CDH4: variants seen among roughly 807,000 people sequenced by gnomAD.
CDH4 encodes cadherin 4, also known as cadherin-4.
In CDH4, 33 loss-of-function variants were observed where a neutral mutation model predicts 86.0. The ratio of observed to expected loss-of-function variants is 0.38; its 90% CI spans 0.29 to 0.51. The LOEUF (loss-of-function observed/expected upper bound fraction) is 0.51. Ranked by LOEUF, CDH4 falls within the 20% of genes least tolerant of loss-of-function variation. CDH4 has a pLI of 0.86. For missense variants in CDH4, 1,114 were observed against 1,307.4 expected, an observed-to-expected ratio of 0.85 and a Z score of 2.28; for synonymous variants, 555 against 549.4, an observed-to-expected ratio of 1.01 and a Z score of -0.14.
chr20:61,413,119 G>A (rs905407445), intron 2 of CDH4, among the ~76,000 whole-genome samples: 23 of 152,014 alleles, frequency 1.5e-4, no homozygotes, highest in African/African-American at 5.6e-4. Context: ...ATCCTTCATG[G>A]CACCCAAGGC....
chr20:61,425,069 G>A (rs925843694), intron 2 of CDH4, among the ~76,000 whole-genome samples: 1 of 152,226 alleles, frequency 6.6e-6, no homozygotes, highest in Admixed American at 6.5e-5. Flanking sequence ...AGGCATAGGT[G>A]GACCAGGAGC....
intron 4 of CDH4, among the ~76,000 whole-genome samples, chr20:61,803,281 T>TA (rs995886374): frequency 6.6e-6 from 1 of 152,124 alleles, no homozygotes; most frequent in African/African-American, 2.4e-5. Flanking sequence ...GGCTGGCAGT[T>TA]AGAGAAGCCA....
intron 2 of CDH4, among the ~76,000 whole-genome samples, chr20:61,539,284 GT>G (rs1568883822): frequency 6.6e-6 from 1 of 152,198 alleles, no homozygotes; most frequent in Non-Finnish European, 1.5e-5. Context: ...TGTCCACAGT[GT>G]AGGTGTATTA....
chr20:61,666,609 C>A (rs934085151), intron 2 of CDH4, among the ~76,000 whole-genome samples: 7 of 152,238 alleles, frequency 4.6e-5, no homozygotes, highest in Non-Finnish European at 1.0e-4. Flanking sequence ...GAGGCCACAT[C>A]CGCAGAACTG....
chr20:61,718,766 C>A (rs780850189), intron 2 of CDH4: 5 of 470,524 alleles, frequency 1.1e-5, no homozygotes, highest in Non-Finnish European at 1.8e-5. Context: ...CCACCCTACA[C>A]CCCTGCACAC....
chr20:61,358,903 G>T (rs1035944688), intron 2 of CDH4, among the ~76,000 whole-genome samples: 2 of 151,926 alleles, frequency 1.3e-5, no homozygotes, highest in African/African-American at 4.8e-5. Context: ...CCAGGGTGAC[G>T]GGGGGGTTTA....
At chr20:61,486,105 G>A (rs994552924) in intron 2 of CDH4, among the ~76,000 whole-genome samples, 6 of 152,186 alleles carry the variant, frequency 3.9e-5, no homozygotes, top group African/African-American at 1.2e-4. Flanking sequence ...AGGATATCAC[G>A]AGCCCAAAAA....
chr20:61,481,724 T>G (rs1200237350), intron 2 of CDH4, among the ~76,000 whole-genome samples: 1 of 152,100 alleles, frequency 6.6e-6, no homozygotes, highest in Non-Finnish European at 1.5e-5. Flanking sequence ...CAAATGGGGG[T>G]TAAAAATGCA....
chr20:61,842,413 C>A (rs73143138), intron 4 of CDH4, among the ~76,000 whole-genome samples: 1 of 152,138 alleles, frequency 6.6e-6, no homozygotes, highest in East Asian at 1.9e-4. Context: ...TTTTCTGTCT[C>A]GTTCTTTGCT....
intron 4 of CDH4, among the ~76,000 whole-genome samples, chr20:61,835,365 G>C (rs1348359488): frequency 6.6e-6 from 1 of 152,180 alleles, no homozygotes; most frequent in African/African-American, 2.4e-5. Context: ...GTGCTGGCCA[G>C]TGTTCTTAAT....
intron 2 of CDH4, among the ~76,000 whole-genome samples, chr20:61,654,208 C>T (rs963005356): frequency 3.3e-5 from 5 of 152,172 alleles, no homozygotes; most frequent in Admixed American, 6.5e-5. Context: ...AGATCACTCG[C>T]GGTTAGGAGC....
intron 8 of CDH4, among the ~76,000 whole-genome samples, chr20:61,903,353 C>T (rs1288971377): frequency 6.6e-6 from 1 of 152,044 alleles, no homozygotes; most frequent in East Asian, 1.9e-4. Flanking sequence ...CAAGATCAGC[C>T]TGGCCAACAT....
At chr20:61,931,385 G>A (rs1193144619) in intron 13 of CDH4, among the ~76,000 whole-genome samples, 1 of 152,326 alleles carries the variant, frequency 6.6e-6, no homozygotes, top group East Asian at 1.9e-4. Context: ...CAGGCAGGGC[G>A]ATGCCGCCAA....
chr20:61,934,097 G>A lies in CDH4; in HGVS notation c.2421G>A (p.Gly807=), dbSNP rs2055148496. ...LSQLQQPEAM[G]HVPSKAPGVR... ...AGCTGCAGCAGCCGGAAGCCATGGGGCACGTGCCAAGCAAAGCCCCTGGCG... is the reference window on the plus strand; with the variant it reads ...AGCTGCAGCAGCCGGAAGCCATGGGACACGTGCCAAGCAAAGCCCCTGGCG... Residue 807 remains glycine (G), a synonymous_variant, in exon 15 of 16, where the codon GGG becomes GGA. Coordinates refer to ENST00000614565, the MANE Select transcript of CDH4 (RefSeq NM_001794.5). 1 of 1,611,274 alleles carries A rather than the reference G, an allele frequency of 6.2e-7. No individual in the cohort carries two copies. Among genetic ancestry groups the A allele is most frequent in the Non-Finnish European group, 8.5e-7 (1 of 1,179,854 alleles).
At chr20:61,443,159 C>T (rs187063879) in intron 2 of CDH4, among the ~76,000 whole-genome samples, 1 of 152,204 alleles carries the variant, frequency 6.6e-6, no homozygotes, top group Non-Finnish European at 1.5e-5. Flanking sequence ...GTGTGAAGCA[C>T]CTCGCTTTAC....
intron 2 of CDH4, among the ~76,000 whole-genome samples, chr20:61,725,473 C>T (rs777015099): frequency 1.3e-5 from 2 of 152,176 alleles, no homozygotes; most frequent in Non-Finnish European, 2.9e-5. Flanking sequence ...CAGGAGCTGC[C>T]TTCCTGAAGC....
intron 2 of CDH4, among the ~76,000 whole-genome samples, chr20:61,487,256 ATG>A (rs1429193876): frequency 1.3e-5 from 2 of 152,166 alleles, no homozygotes; most frequent in African/African-American, 2.4e-5. Flanking sequence ...GACCGTAGTT[ATG>A]TGAGTCTGTT....
intron 4 of CDH4, among the ~76,000 whole-genome samples, chr20:61,823,716 C>A (rs1981175884): frequency 6.6e-6 from 1 of 152,190 alleles, no homozygotes; most frequent in South Asian, 2.1e-4. Flanking sequence ...TTGAACCCAA[C>A]TGAATTGCTA....
chr20:61,310,860 C>T (rs2084441761), intron 2 of CDH4, among the ~76,000 whole-genome samples: 1 of 152,170 alleles, frequency 6.6e-6, no homozygotes. Flanking sequence ...CACCAGTCAC[C>T]TCAGATTGGA....
Sources: gnomAD v4.1 joint callset for allele counts (sites outside exome capture counted in the v4.1 genomes callset) on GRCh38, gnomAD v4.1.1 for gene constraint, MANE v1.5 for transcripts, NCBI Gene and HGNC (gene_info 2026-07-23, HGNC 2026-07-21) for gene names.